Variants in CHD6 observed in about 807,000 individuals in gnomAD.
CHD6 encodes ATP-dependent chromatin remodeler CHD6.
CHD6 carries 50 observed loss-of-function variants against 276.9 expected under a neutral mutation model. The observed-to-expected ratio is 0.18, with a 90% confidence interval of 0.14 to 0.23. The LOEUF is 0.23. Among genes scored for constraint, CHD6 ranks in the 10% least tolerant of loss-of-function variants. The pLI is 1.00. For synonymous variants in CHD6, 1,173 were observed against 1,229.3 expected, an observed-to-expected ratio of 0.95 and a Z score of 0.96; for missense variants, 2,564 against 3,365.8, an observed-to-expected ratio of 0.76 and a Z score of 5.89.
intron 33 of CHD6, among the ~76,000 whole-genome samples, chr20:41,416,009 A>G (rs910557718): frequency 6.6e-6 from 1 of 152,236 alleles, no homozygotes; most frequent in Non-Finnish European, 1.5e-5. Flanking sequence ...TCCAGACTGA[A>G]TAAGTCAGCA....
At chr20:41,489,634 C>T in intron 12 of CHD6, 144 bp downstream of exon 12, 1 of 1,008,996 alleles carries the variant, frequency 9.9e-7, no homozygotes, top group East Asian at 2.4e-5. Flanking sequence ...CCAGGGAGAG[C>T]AGGAGTCAGC....
intron 1 of CHD6, among the ~76,000 whole-genome samples, chr20:41,594,765 G>A (rs143253764): frequency 0.017 from 2,543 of 152,148 alleles, 27 homozygotes; most frequent in Non-Finnish European, 0.025. Flanking sequence ...CTCCCTTCTC[G>A]CCTAATTGAC....
chr20:41,536,872 A>G (rs542499594), intron 2 of CHD6, among the ~76,000 whole-genome samples: 2 of 152,162 alleles, frequency 1.3e-5, no homozygotes, highest in Non-Finnish European at 2.9e-5. Flanking sequence ...ATAGAGAGAG[A>G]GCCTTTCACT....
In CHD6 at chr20:41,477,881, C is replaced by T. The variant is rs192783735; in HGVS notation, c.2469-4364G>A. 2.3e-3 allele frequency among the ~76,000 whole-genome samples: 350 copies of T among 152,266 alleles called. 1 individual carries two copies. Among genetic ancestry groups the T allele is most frequent in the African/African-American group, 7.9e-3 (330 of 41,562 alleles). ...TACTTAGCCTCTAGATCACCTACCC[C>T]AGCCTTGAAGAGGGTAAAATAAAAG... On this transcript the variant is annotated intron_variant, in intron 16 of 36. Coordinates refer to ENST00000373233, the MANE Select transcript of CHD6 (RefSeq NM_032221.5).
intron 1 of CHD6, among the ~76,000 whole-genome samples, chr20:41,587,929 G>A (rs543274572): frequency 1.6e-4 from 24 of 152,232 alleles, no homozygotes; most frequent in South Asian, 6.2e-4. Flanking sequence ...AGGAGTAAAC[G>A]CTGAGAAGTC....
At chr20:41,502,453 G>C (rs2043854396) in intron 5 of CHD6, among the ~76,000 whole-genome samples, 1 of 152,134 alleles carries the variant, frequency 6.6e-6, no homozygotes, top group Admixed American at 6.5e-5. Context: ...GTGGCTGATA[G>C]GGTCCATACT....
chr20:41,451,787 G>A, intron 22 of CHD6, 39 bp downstream of exon 22: 1 of 1,569,044 alleles, frequency 6.4e-7, no homozygotes, highest in Non-Finnish European at 8.8e-7. Flanking sequence ...GAAGTGCATG[G>A]GAATCGTGCT....
intron 3 of CHD6, among the ~76,000 whole-genome samples, chr20:41,529,403 GATT>G (rs1283523893): frequency 6.6e-6 from 1 of 152,130 alleles, no homozygotes; most frequent in African/African-American, 2.4e-5. Context: ...TCAGGCCTGA[GATT>G]ATAACACACA....
At chr20:41,527,480 G>C (rs866190805) in intron 3 of CHD6, among the ~76,000 whole-genome samples, 11 of 151,890 alleles carry the variant, frequency 7.2e-5, no homozygotes, top group Middle Eastern at 3.2e-3. Flanking sequence ...ATGTGAGAAA[G>C]GGCAACCTAA....
At position 41,599,781 on chromosome 20, in the gene CHD6, T is replaced by C. The variant is rs192599116; in HGVS notation, c.-24+18559A>G. 4.6e-5 allele frequency among the ~76,000 whole-genome samples: 7 copies of C among 152,352 alleles called. No individual in the cohort carries two copies. The East Asian group carries it at 1.3e-3, about 29-fold the overall frequency. On this transcript the variant is annotated intron_variant, in intron 1 of 36. Transcript: ENST00000373233. The stretch of plus-strand genomic sequence containing the variant: ...AACACTTGTTTCTCTGCTTAATCTA[T>C]AACTAGCAAATCTCTGACTCTGTAA...
chr20:41,421,974 T>C lies in CHD6; in HGVS notation c.4661A>G (p.Lys1554Arg), dbSNP rs764449842. ...GAGGCGTTCATGCAGCTGAGGGCAC[T>C]TGAGCACTTGCTCTCGGACTTTCCG... ...LLRKVREQVL[K>R]CPQLHERLQL... The change falls in exon 31 of 37, where the codon AAG becomes AGG. Residue 1554 changes from lysine (K) to arginine (R), a missense_variant. Lys to Arg is a conservative substitution (Grantham distance 26). This residue lies in a region of CHD6 where 515 missense variants were observed against 739.5 expected (regional missense o/e 0.70). Coordinates refer to ENST00000373233, the MANE Select transcript of CHD6 (RefSeq NM_032221.5). 5 of 1,614,120 alleles carry C rather than the reference T, an allele frequency of 3.1e-6. No individual in the cohort carries two copies. In the Admixed American group the frequency reaches 6.7e-5, roughly 22 times the overall value.
intron 3 of CHD6, among the ~76,000 whole-genome samples, chr20:41,523,052 C>A (rs986758917): frequency 1.3e-5 from 2 of 152,116 alleles, no homozygotes; most frequent in African/African-American, 4.8e-5. Context: ...ATGATTCCAG[C>A]CTTGAGAGGA....
Position 41,404,375 on chromosome 20 carries a change from T to C in CHD6, c.*218A>G, listed in dbSNP as rs1241610081. 8.0e-7 allele frequency: 1 copy of C among 1,251,848 alleles called. No individual in the cohort carries two copies. Among genetic ancestry groups the C allele is most frequent in the Non-Finnish European group, 1.0e-6 (1 of 998,618 alleles). The allele number at this position is 1,251,848 out of a possible 1,614,324, so 77.5% of individuals were successfully genotyped here. ...AATGAACTGGATAACAGAATGAGAA[T>C]TCTGTGCCTCCTAGACTAGGTAGAC... On this transcript the variant is annotated 3_prime_UTR_variant, in exon 37 of 37. Coordinates refer to ENST00000373233, the MANE Select transcript of CHD6 (RefSeq NM_032221.5).
At chr20:41,580,885 G>C (rs2045530534) in intron 1 of CHD6, among the ~76,000 whole-genome samples, 1 of 152,130 alleles carries the variant, frequency 6.6e-6, no homozygotes, top group Non-Finnish European at 1.5e-5. Context: ...CCTAGGAATA[G>C]GGCAGATTGT....
At chr20:41,612,042 G>A (rs1404162684) in intron 1 of CHD6, among the ~76,000 whole-genome samples, 1 of 152,122 alleles carries the variant, frequency 6.6e-6, no homozygotes, top group Non-Finnish European at 1.5e-5. Flanking sequence ...CTATGGCCAA[G>A]ACTTTCATAA....
intron 1 of CHD6, among the ~76,000 whole-genome samples, chr20:41,604,831 G>T (rs2045810860): frequency 6.6e-6 from 1 of 152,058 alleles, no homozygotes; most frequent in Non-Finnish European, 1.5e-5. Context: ...GGAATCCTCG[G>T]ACTACCAGGT....
At chr20:41,437,124 T>C (rs2047734634) in intron 27 of CHD6, 150 bp downstream of exon 27, 1 of 581,324 alleles carries the variant, frequency 1.7e-6, no homozygotes, top group African/African-American at 1.9e-5. Context: ...TTGCAGTCTG[T>C]GTATTTTAAG....
chr20:41,591,377 T>TACACACACACACACAC (rs879822257), intron 1 of CHD6, among the ~76,000 whole-genome samples: 6 of 122,908 alleles, frequency 4.9e-5, no homozygotes, highest in South Asian at 2.5e-4. Flanking sequence ...TATATATATA[T>TACACACACACACACAC]ATACACACAC....
chr20:41,456,492 ACC>A (rs2048380936), intron 18 of CHD6, among the ~76,000 whole-genome samples: 1 of 152,076 alleles, frequency 6.6e-6, no homozygotes, highest in Non-Finnish European at 1.5e-5. Flanking sequence ...GGTCCCAAAC[ACC>A]CTTTTCTGGT....
Sources: gnomAD v4.1 joint callset for allele counts (sites outside exome capture counted in the v4.1 genomes callset) on GRCh38, gnomAD v4.1.1 for gene constraint, gnomAD v4.1.1 regional missense constraint, MANE v1.5 for transcripts, NCBI Gene and HGNC (gene_info 2026-07-23, HGNC 2026-07-21) for gene names.